TPTE2: variants seen among roughly 807,000 people sequenced by gnomAD.
The protein encoded by TPTE2 is phosphatidylinositol 3,4,5-trisphosphate 3-phosphatase TPTE2.
In TPTE2, 53 loss-of-function variants were observed where a neutral mutation model predicts 78.6. The ratio of observed to expected loss-of-function variants is 0.67; its 90% CI spans 0.54 to 0.85. The LOEUF is 0.85. TPTE2 is among the 40% of genes least tolerant of loss of function. The probability of loss-of-function intolerance (pLI) is 0.00; values close to 1 mark genes in which losing one functional copy is unlikely to be tolerated. For synonymous variants in TPTE2, 175 were observed against 206.2 expected (o/e 0.85, Z 1.30); for missense variants, 461 against 623.0 (o/e 0.74, Z 2.77).
At chr13:19,498,712 C>T (rs887047508) in intron 1 of TPTE2, among the ~76,000 whole-genome samples, 4 of 151,834 alleles carry the variant, frequency 2.6e-5, no homozygotes, top group South Asian at 2.1e-4. Context: ...ACGTAAAGAC[C>T]ATCGAGACTA....
At chr13:19,474,725 A>G (rs4529974) in intron 5 of TPTE2, among the ~76,000 whole-genome samples, 143,924 of 152,298 alleles carry the variant, frequency 0.95, 68,170 homozygotes, top group East Asian at 1. Flanking sequence ...CCTAATCCAT[A>G]AAGATGAATT....
At chr13:19,512,342 G>A (rs1443130206) in intron 1 of TPTE2, among the ~76,000 whole-genome samples, 2 of 152,128 alleles carry the variant, frequency 1.3e-5, no homozygotes, top group Non-Finnish European at 2.9e-5. Context: ...TCTACTTTTT[G>A]TTAACTAACT....
chr13:19,518,526 T>TA (rs1869945715), intron 1 of TPTE2, among the ~76,000 whole-genome samples: 2 of 152,166 alleles, frequency 1.3e-5, no homozygotes, highest in Admixed American at 6.5e-5. Context: ...CACTAGCTGT[T>TA]AGAGAAATGC....
In TPTE2 at chr13:19,463,549, T is replaced by G. The variant is rs190946694; in HGVS notation, c.741+907A>C. ...ATTTCTTTGGAGGTGTAATGTTTCC[T>G]TGCTTTTCATGTTTCTTGTGGCCCT... On this transcript the variant is annotated intron_variant, in intron 10 of 19. Transcript: ENST00000400230. 1.1e-4 allele frequency among the ~76,000 whole-genome samples: 17 copies of G among 152,358 alleles called. No individual in the cohort carries two copies. In the East Asian group the frequency reaches 1.3e-3, roughly 12 times the overall value.
At chr13:19,555,318 G>T in the TPTE2 span, among the ~76,000 whole-genome samples, 1 of 152,130 alleles carries the variant, frequency 6.6e-6, no homozygotes, top group Non-Finnish European at 1.5e-5. Context: ...TGTAGCAGTG[G>T]TAAGAACTTA....
rs1877607846 is a variant in TPTE2, at chr13:19,443,376, T to A, written c.974-5223A>T. The stretch of plus-strand genomic sequence containing the variant: ...AAAACTCTTAGCAAGCTAAAGGAAT[T>A]TCTTTTTTCTTTCTTTCTTTCTTTT... On this transcript the variant is annotated intron_variant, in intron 13 of 19. Coordinates refer to ENST00000400230, the Ensembl canonical transcript of TPTE2. Among the ~76,000 whole-genome samples, 10 of 147,524 alleles carry A rather than the reference T, an allele frequency of 6.8e-5. No individual in the cohort carries two copies. In the South Asian group the frequency reaches 2.1e-3, roughly 32 times the overall value.
the TPTE2 span, among the ~76,000 whole-genome samples, chr13:19,547,720 C>CATACATATATATATATATATATATATAT: frequency 8.4e-3 from 994 of 118,602 alleles, 25 homozygotes; most frequent in South Asian, 0.027. Context: ...AATAAATATA[C>CATACATATATATATATATATATATATAT]ATATATATAT....
chr13:19,424,322 T>C (rs750843028), intron 19 of TPTE2, among the ~76,000 whole-genome samples: 4 of 152,192 alleles, frequency 2.6e-5, no homozygotes, highest in Non-Finnish European at 5.9e-5. Flanking sequence ...AGAAATGTGG[T>C]TCCAAATATG....
At chr13:19,507,152 G>C (rs952630704), upstream of TPTE2, among the ~76,000 whole-genome samples, 1 of 151,862 alleles carries the variant, frequency 6.6e-6, no homozygotes, top group Non-Finnish European at 1.5e-5. Flanking sequence ...CTATCACTGA[G>C]GACTCCATCA....
upstream of TPTE2, among the ~76,000 whole-genome samples, chr13:19,507,406 T>C (rs1432338330): frequency 7.0e-6 from 1 of 141,870 alleles, no homozygotes; most frequent in Non-Finnish European, 1.5e-5. Context: ...TACCCAGGAG[T>C]AGTTACAGTA....
At chr13:19,483,389 G>A (rs142695134) in intron 3 of TPTE2, among the ~76,000 whole-genome samples, 84 of 152,180 alleles carry the variant, frequency 5.5e-4, no homozygotes, top group African/African-American at 2.0e-3. Context: ...TTGGTAGGTC[G>A]TATGGTCAAG....
chr13:19,434,683 C>T (rs188669516), intron 15 of TPTE2, among the ~76,000 whole-genome samples: 8 of 152,100 alleles, frequency 5.3e-5, no homozygotes, highest in East Asian at 1.9e-4. Context: ...GGTTTAGGGC[C>T]GGTAGTTAGA....
chr13:19,424,051 G>C (rs1875813721), intron 19 of TPTE2, among the ~76,000 whole-genome samples: 1 of 152,218 alleles, frequency 6.6e-6, no homozygotes. Context: ...GTGTAGACCA[G>C]AGGTTTAATT....
At chr13:19,522,536 A>G (rs1593417713) in intron 1 of TPTE2, among the ~76,000 whole-genome samples, 1 of 151,526 alleles carries the variant, frequency 6.6e-6, no homozygotes, top group Non-Finnish European at 1.5e-5. Context: ...ATGAACAGAA[A>G]TGTCTTCTGA....
In TPTE2 at chr13:19,509,462, T is replaced by A. The variant is rs1305371747; in HGVS notation, c.-43-6185A>T. Among the ~76,000 whole-genome samples, 7 of 152,140 alleles carry A rather than the reference T, an allele frequency of 4.6e-5. No individual in the cohort carries two copies. In the East Asian group the frequency reaches 9.6e-4, roughly 21 times the overall value. ...TAACTATAACACAACTAAAAGTTTTTAAAATGAGATTATTCAATTATATGT... is the reference window on the plus strand; with the variant it reads ...TAACTATAACACAACTAAAAGTTTTAAAAATGAGATTATTCAATTATATGT... On this transcript the variant is annotated intron_variant, in intron 1 of 17. Transcript: ENST00000390680.
At chr13:19,547,623 T>G in the TPTE2 span, among the ~76,000 whole-genome samples, 1 of 151,258 alleles carries the variant, frequency 6.6e-6, no homozygotes. Context: ...TCTGCGTTCA[T>G]AACAATGGGA....
intron 4 of TPTE2, among the ~76,000 whole-genome samples, chr13:19,477,227 G>A (rs1057426137): frequency 1.3e-5 from 2 of 151,856 alleles, no homozygotes; most frequent in Non-Finnish European, 2.9e-5. Flanking sequence ...AGGGTAGGAG[G>A]AGAGAGAGGA....
Position 19,503,208 on chromosome 13 carries a change from T to C in TPTE2, c.11+16A>G, listed in dbSNP as rs200774100. On this transcript the variant is annotated intron_variant, in intron 1 of 19. Coordinates refer to ENST00000400230, the Ensembl canonical transcript of TPTE2. Reference sequence around the variant, plus strand: ...TTATAATTAGATAAATAAAGACACATGTATGCATAACTCACCTTTCATTCA... The same window carrying C: ...TTATAATTAGATAAATAAAGACACACGTATGCATAACTCACCTTTCATTCA... 1 of 1,609,202 alleles carries C rather than the reference T, an allele frequency of 6.2e-7. No homozygotes were observed. The highest frequency in any genetic ancestry group is 2.2e-5 in the East Asian group (1 of 44,698).
intron 1 of TPTE2, among the ~76,000 whole-genome samples, chr13:19,495,094 C>T (rs188159075): frequency 2.0e-5 from 3 of 152,256 alleles, no homozygotes; most frequent in African/African-American, 4.8e-5. Context: ...TTCTAAGTCC[C>T]GCTTCGTATA....
Sources: gnomAD v4.1 joint callset for allele counts (sites outside exome capture counted in the v4.1 genomes callset) on GRCh38, gnomAD v4.1.1 for gene constraint, MANE v1.5 for transcripts, NCBI Gene and HGNC (gene_info 2026-07-23, HGNC 2026-07-21) for gene names.